Variants in TOX observed in about 807,000 individuals in gnomAD.
TOX encodes thymocyte selection-associated high mobility group box protein TOX.
TOX carries 11 observed loss-of-function variants against 53.7 expected under a neutral mutation model. The ratio of observed to expected loss-of-function variants is 0.20; its 90% CI spans 0.13 to 0.34. The LOEUF (loss-of-function observed/expected upper bound fraction) is 0.34. Among genes scored for constraint, TOX ranks in the 10% least tolerant of loss-of-function variants. The pLI, the probability that TOX is intolerant of heterozygous loss-of-function variation, is 1.00. For synonymous variants in TOX, 225 were observed against 245.3 expected, an observed-to-expected ratio of 0.92 and a Z score of 0.77; for missense variants, 570 against 664.6, an observed-to-expected ratio of 0.86 and a Z score of 1.56.
chr8:58,949,715 A>G (rs1480979395), intron 2 of TOX, among the ~76,000 whole-genome samples: 5 of 152,150 alleles, frequency 3.3e-5, no homozygotes, highest in Admixed American at 3.3e-4. Context: ...TTTATTTTTT[A>G]AAAGAAATGT....
intron 1 of TOX, among the ~76,000 whole-genome samples, chr8:59,070,928 G>A (rs1804188678): frequency 6.6e-6 from 1 of 152,090 alleles, no homozygotes; most frequent in Non-Finnish European, 1.5e-5. Context: ...ATAAACCCCT[G>A]TACGATAGAG....
intron 1 of TOX, among the ~76,000 whole-genome samples, chr8:59,073,935 T>G (rs1029143930): frequency 1.2e-4 from 18 of 152,326 alleles, no homozygotes; most frequent in African/African-American, 4.3e-4. Flanking sequence ...TCAAAGTTCA[T>G]AAAGCATTAT....
At chr8:58,812,322 GC>G (rs1489658159) in intron 7 of TOX, among the ~76,000 whole-genome samples, 1 of 152,024 alleles carries the variant, frequency 6.6e-6, no homozygotes, top group Non-Finnish European at 1.5e-5. Flanking sequence ...CCAATTCCCT[GC>G]CCTTGACTCT....
At chr8:58,854,464 T>C (rs1033862614) in intron 3 of TOX, among the ~76,000 whole-genome samples, 7 of 152,226 alleles carry the variant, frequency 4.6e-5, no homozygotes, top group Non-Finnish European at 1.0e-4. Context: ...TGTTTTCTCA[T>C]GTTAATTTGT....
chr8:59,091,844 A>T (rs369979712), intron 1 of TOX, among the ~76,000 whole-genome samples: 22 of 152,248 alleles, frequency 1.4e-4, no homozygotes, highest in African/African-American at 5.3e-4. Context: ...TCCATTCTCC[A>T]GTCACCTTCA....
At chr8:59,084,000 G>A (rs1254415599) in intron 1 of TOX, among the ~76,000 whole-genome samples, 1 of 152,110 alleles carries the variant, frequency 6.6e-6, no homozygotes, top group Non-Finnish European at 1.5e-5. Context: ...TATACTCAAT[G>A]TTTTAGGTAT....
At chr8:59,105,667 G>A (rs988162421) in intron 1 of TOX, among the ~76,000 whole-genome samples, 2 of 151,974 alleles carry the variant, frequency 1.3e-5, no homozygotes, top group African/African-American at 2.4e-5. Flanking sequence ...AGTCCATAAA[G>A]TCACCATCCT....
At chr8:58,985,626 G>A (rs145871827) in intron 1 of TOX, among the ~76,000 whole-genome samples, 400 of 152,326 alleles carry the variant, frequency 2.6e-3, no homozygotes, top group Admixed American at 7.1e-3. Context: ...AAGTGGTTAG[G>A]ATGGTAAATT....
At chr8:58,975,263 C>CA (rs1491256590) in intron 1 of TOX, among the ~76,000 whole-genome samples, 5,322 of 147,236 alleles carry the variant, frequency 0.036, 234 homozygotes, top group African/African-American at 0.11. Flanking sequence ...CACACACACA[C>CA]CCCCACACAG....
At chr8:58,914,940 T>A (rs561994033) in intron 3 of TOX, among the ~76,000 whole-genome samples, 7 of 151,388 alleles carry the variant, frequency 4.6e-5, no homozygotes, top group African/African-American at 1.5e-4. Flanking sequence ...AAAGGGGTGA[T>A]GGACGCACCT....
chr8:58,901,957 A>G (rs575980376), intron 3 of TOX, among the ~76,000 whole-genome samples: 2 of 152,346 alleles, frequency 1.3e-5, no homozygotes, highest in East Asian at 1.9e-4. Context: ...TATCTTCCAC[A>G]TTGTTGTCCA....
chr8:58,817,339 T>G (rs947922159), intron 6 of TOX, among the ~76,000 whole-genome samples: 2 of 152,086 alleles, frequency 1.3e-5, no homozygotes, highest in Non-Finnish European at 2.9e-5. Flanking sequence ...AGGGGAGGTT[T>G]TAGATCAAAG....
chr8:58,985,404 A>T (rs114961776), intron 1 of TOX, among the ~76,000 whole-genome samples: 5,451 of 152,276 alleles, frequency 0.036, 265 homozygotes, highest in South Asian at 0.11. Flanking sequence ...AAAAAATAAA[A>T]GACAAATACT....
intron 1 of TOX, among the ~76,000 whole-genome samples, chr8:58,967,861 C>T (rs1812932603): frequency 6.6e-6 from 1 of 152,204 alleles, no homozygotes; most frequent in Non-Finnish European, 1.5e-5. Flanking sequence ...GCAGGCTCTG[C>T]TTTCTGGGAA....
chr8:58,814,663 C>T (rs958289083), intron 7 of TOX: 1 of 152,066 alleles, frequency 6.6e-6, no homozygotes. Flanking sequence ...TAAAATAACA[C>T]CAAAATCCAA....
intron 2 of TOX, among the ~76,000 whole-genome samples, chr8:58,953,037 T>C (rs930218172): frequency 4.6e-5 from 7 of 152,178 alleles, no homozygotes; most frequent in African/African-American, 1.4e-4. Flanking sequence ...TTAAATATTA[T>C]GGCCTATTTA....
At position 58,933,745 on chromosome 8, in the gene TOX, T is replaced by A. The variant is rs151171094; in HGVS notation, c.411+5557A>T. ...GAGAAGGATCATGGAGATCAACTAG[T>A]CTTGGGGCTTTCCATCTTCTTGGGG... is the stretch of plus-strand genomic sequence containing the variant. On this transcript the variant is annotated intron_variant, in intron 3 of 8. Transcript: ENST00000361421. Among the ~76,000 whole-genome samples the A allele has an allele frequency of 3.2e-3, 481 of 152,274 alleles. 4 individuals carry two copies. Among genetic ancestry groups the A allele is most frequent in the African/African-American group, 0.011 (470 of 41,564 alleles).
chr8:58,926,114 A>G (rs1812155543), intron 3 of TOX, among the ~76,000 whole-genome samples: 1 of 152,218 alleles, frequency 6.6e-6, no homozygotes, highest in Non-Finnish European at 1.5e-5. Context: ...TGGACCCTAT[A>G]GCTCATCTTC....
chr8:58,891,001 G>A lies in TOX; in HGVS notation c.412-39196C>T, dbSNP rs767161222. ...GGTATGTTCATTACTTAAGCACACT[G>A]ATCTCTGAGGTGCTCCCTTCCTCTC... On this transcript the variant is annotated intron_variant, in intron 3 of 8. Coordinates refer to ENST00000361421, the MANE Select transcript of TOX (RefSeq NM_014729.3). 4.7e-4 allele frequency among the ~76,000 whole-genome samples: 72 copies of A among 152,156 alleles called. No homozygotes were observed. In the Middle Eastern group the frequency reaches 0.01, roughly 22 times the overall value.
Sources: allele counts gnomAD v4.1 joint callset (sites outside exome capture counted in the v4.1 genomes callset), GRCh38; gene constraint gnomAD v4.1.1; transcripts MANE v1.5; gene names NCBI Gene and HGNC (gene_info 2026-07-23, HGNC 2026-07-21).